Variants in RBFOX1 observed in about 807,000 individuals in gnomAD.
RBFOX1 encodes the protein RNA binding protein fox-1 homolog 1.
Under a neutral mutation model 57.7 loss-of-function variants are expected in RBFOX1, and 8 were observed. That is an observed-to-expected ratio of 0.14 (90% CI 0.08 to 0.25). The LOEUF (loss-of-function observed/expected upper bound fraction) is 0.25, where lower values mean the gene tolerates loss of function less well. Ranked by LOEUF, RBFOX1 falls within the 10% of genes least tolerant of loss-of-function variation. RBFOX1 has a pLI of 1.00. For synonymous variants in RBFOX1, 326 were observed against 222.4 expected, an observed-to-expected ratio of 1.47 and a Z score of -4.15; for missense variants, 611 against 548.5, an observed-to-expected ratio of 1.11 and a Z score of -1.14.
chr16:6,631,757 G>T (rs1372186745), intron 2 of RBFOX1, among the ~76,000 whole-genome samples: 2 of 152,144 alleles, frequency 1.3e-5, no homozygotes, highest in Non-Finnish European at 2.9e-5. Flanking sequence ...CTGACCTTGG[G>T]GTAGGGAGGA....
chr16:6,162,836 C>T (rs991713146), intron 1 of RBFOX1, among the ~76,000 whole-genome samples: 4 of 152,128 alleles, frequency 2.6e-5, no homozygotes, highest in African/African-American at 9.7e-5. Flanking sequence ...CAGGTTCAAG[C>T]AATTCTCCTG....
At chr16:5,998,769 T>A (rs1028600826) in intron 4 of RBFOX1, among the ~76,000 whole-genome samples, 1 of 152,190 alleles carries the variant, frequency 6.6e-6, no homozygotes, top group Non-Finnish European at 1.5e-5. Context: ...TTTCGCATAC[T>A]CCTTCTGGTC....
intron 1 of RBFOX1, among the ~76,000 whole-genome samples, chr16:6,119,869 T>A (rs2096535628): frequency 6.6e-6 from 1 of 152,224 alleles, no homozygotes; most frequent in South Asian, 2.1e-4. Flanking sequence ...AACCGCTACC[T>A]CTATCCAGTT....
At chr16:6,351,322 A>ATGTG (rs1567994629) in intron 2 of RBFOX1, among the ~76,000 whole-genome samples, 37 of 129,006 alleles carry the variant, frequency 2.9e-4, no homozygotes, top group African/African-American at 1.1e-3. Flanking sequence ...TATATATATA[A>ATGTG]CGTGTGTGTG....
rs1602053506 is a variant in RBFOX1 at position 7,180,730 on chromosome 16, C to G, written c.27+128632C>G. ...TATTATGATGAAAAAAAAAAAAAAA[C>G]CTGCCAGAACATTGGCTTCAAGGTG... is the stretch of plus-strand genomic sequence containing the variant. On this transcript the variant is annotated intron_variant, in intron 4 of 15. Coordinates refer to ENST00000550418, the MANE Select transcript of RBFOX1 (RefSeq NM_018723.4). Among the ~76,000 whole-genome samples the G allele has an allele frequency of 3.6e-5, 5 of 140,308 alleles. No homozygotes were observed. The South Asian group carries it at 9.2e-4, about 26-fold the overall frequency. The allele number at this position is 140,308 out of a possible 152,430, so 92.0% of individuals were successfully genotyped here.
chr16:5,721,581 G>A (rs750166317), intron 3 of RBFOX1, among the ~76,000 whole-genome samples: 1 of 152,238 alleles, frequency 6.6e-6, no homozygotes, highest in East Asian at 1.9e-4. Context: ...CGGCCATTGC[G>A]TATGATGCCA....
intron 3 of RBFOX1, among the ~76,000 whole-genome samples, chr16:7,032,765 A>G (rs2043144632): frequency 6.6e-6 from 1 of 151,820 alleles, no homozygotes; most frequent in South Asian, 2.1e-4. Flanking sequence ...TTTTCCTTTT[A>G]CCCTCTATGA....
chr16:6,080,608 CA>C (rs1816728230), intron 1 of RBFOX1, among the ~76,000 whole-genome samples: 1 of 152,164 alleles, frequency 6.6e-6, no homozygotes, highest in Admixed American at 6.6e-5. Context: ...TCAAATGACA[CA>C]TAGCACCAAC....
chr16:7,079,100 T>C (rs1021957970), intron 4 of RBFOX1, among the ~76,000 whole-genome samples: 3 of 152,130 alleles, frequency 2.0e-5, no homozygotes, highest in African/African-American at 7.2e-5. Flanking sequence ...ATCTATCCCA[T>C]ATGGTGTACC....
At chr16:6,521,824 G>T (rs952245118) in intron 2 of RBFOX1, among the ~76,000 whole-genome samples, 1 of 152,104 alleles carries the variant, frequency 6.6e-6, no homozygotes, top group Admixed American at 6.6e-5. Context: ...GAATCCTCAT[G>T]TCTAAAAATG....
chr16:7,316,655 T>C (rs1415806074), intron 4 of RBFOX1, among the ~76,000 whole-genome samples: 1 of 152,224 alleles, frequency 6.6e-6, no homozygotes, highest in East Asian at 1.9e-4. Flanking sequence ...ATAAATGCTC[T>C]GAAGGAAAAG....
intron 4 of RBFOX1, among the ~76,000 whole-genome samples, chr16:7,490,977 C>G (rs1027862817): frequency 1.1e-4 from 16 of 152,130 alleles, no homozygotes; most frequent in African/African-American, 3.9e-4. Flanking sequence ...CTGGAGATCT[C>G]TTCATCATAG....
intron 4 of RBFOX1, among the ~76,000 whole-genome samples, chr16:7,109,371 A>C (rs1247822397): frequency 1.3e-5 from 2 of 152,140 alleles, no homozygotes; most frequent in Non-Finnish European, 2.9e-5. Context: ...ACCAGATTTG[A>C]CTACTGCCAA....
At chr16:6,992,105 G>A (rs531783022) in intron 3 of RBFOX1, among the ~76,000 whole-genome samples, 1 of 152,222 alleles carries the variant, frequency 6.6e-6, no homozygotes, top group Non-Finnish European at 1.5e-5. Flanking sequence ...GGGAGAACGG[G>A]TGTAGCTGTC....
intron 3 of RBFOX1, among the ~76,000 whole-genome samples, chr16:5,752,685 G>A (rs1272654487): frequency 1.3e-5 from 2 of 152,172 alleles, no homozygotes; most frequent in Non-Finnish European, 2.9e-5. Context: ...CATAATAAGA[G>A]AACCCTCTTA....
At chr16:6,351,858 C>T (rs2086462454) in intron 2 of RBFOX1, among the ~76,000 whole-genome samples, 1 of 152,006 alleles carries the variant, frequency 6.6e-6, no homozygotes, top group African/African-American at 2.4e-5. Flanking sequence ...CACGTCTGAC[C>T]TCATTTATTT....
intron 3 of RBFOX1, among the ~76,000 whole-genome samples, chr16:5,834,190 T>C (rs2056377162): frequency 6.6e-6 from 1 of 152,206 alleles, no homozygotes; most frequent in Non-Finnish European, 1.5e-5. Context: ...TTTACAGTGG[T>C]GAAGTCTGAG....
chr16:7,116,606 GC>G (rs2065956136), intron 4 of RBFOX1, among the ~76,000 whole-genome samples: 2 of 151,970 alleles, frequency 1.3e-5, no homozygotes, highest in South Asian at 2.1e-4. Flanking sequence ...GAAAAACAAA[GC>G]CCACAGCAGC....
intron 2 of RBFOX1, among the ~76,000 whole-genome samples, chr16:6,399,962 G>A (rs2093002525): frequency 6.6e-6 from 1 of 152,084 alleles, no homozygotes. Context: ...CAGCATGAGG[G>A]TAGCCAGCCC....
Sources: gnomAD v4.1 joint callset for allele counts (sites outside exome capture counted in the v4.1 genomes callset) on GRCh38, gnomAD v4.1.1 for gene constraint, MANE v1.5 for transcripts, NCBI Gene and HGNC (gene_info 2026-07-23, HGNC 2026-07-21) for gene names.